EDIL3: variants seen among roughly 807,000 people sequenced by gnomAD.
EDIL3 encodes EGF-like repeat and discoidin I-like domain-containing protein 3.
A neutral mutation model predicts 67.4 loss-of-function variants in EDIL3; 37 were observed. The ratio of observed to expected loss-of-function variants is 0.55; its 90% confidence interval spans 0.42 to 0.72. The LOEUF (loss-of-function observed/expected upper bound fraction) is 0.72. Among genes scored for constraint, EDIL3 ranks in the 30% least tolerant of loss-of-function variants. The probability of loss-of-function intolerance (pLI) is 0.00; values close to 1 mark genes in which losing one functional copy is unlikely to be tolerated. For synonymous variants in EDIL3, 195 were observed against 196.3 expected, an observed-to-expected ratio of 0.99 and a Z score of 0.05; for missense variants, 527 against 586.3, an observed-to-expected ratio of 0.90 and a Z score of 1.04.
At chr5:84,151,976 C>T (rs1341221896) in intron 4 of EDIL3, among the ~76,000 whole-genome samples, 1 of 151,044 alleles carries the variant, frequency 6.6e-6, no homozygotes, top group Non-Finnish European at 1.5e-5. Flanking sequence ...AGCAGTGGCA[C>T]GATCTAGGCT....
At chr5:84,096,907 GT>G (rs1747274678) in intron 6 of EDIL3, among the ~76,000 whole-genome samples, 1 of 152,132 alleles carries the variant, frequency 6.6e-6, no homozygotes, top group Non-Finnish European at 1.5e-5. Context: ...AGATCTGATA[GT>G]TTTAAAAACG....
intron 1 of EDIL3, among the ~76,000 whole-genome samples, chr5:84,303,201 G>A (rs2607364): frequency 0.26 from 40,027 of 151,996 alleles, 6,024 homozygotes; most frequent in Non-Finnish European, 0.35. Flanking sequence ...CCTCCACTCC[G>A]ACTTCTCTTT....
intron 1 of EDIL3, among the ~76,000 whole-genome samples, chr5:84,352,765 T>G (rs1747386461): frequency 1.3e-5 from 2 of 152,026 alleles, no homozygotes; most frequent in Non-Finnish European, 2.9e-5. Context: ...ATAACACAAC[T>G]GCACTTATAG....
At chr5:83,970,890 T>C (rs530514006) in intron 9 of EDIL3, among the ~76,000 whole-genome samples, 2 of 151,568 alleles carry the variant, frequency 1.3e-5, no homozygotes, top group Admixed American at 6.6e-5. Flanking sequence ...AGCTGCAGAC[T>C]GTTTTCTAGG....
intron 1 of EDIL3, among the ~76,000 whole-genome samples, chr5:84,297,513 A>C (rs928609165): frequency 2.1e-4 from 32 of 152,282 alleles, no homozygotes; most frequent in African/African-American, 7.5e-4. Context: ...CTTGGGGTGA[A>C]CAGACCCAAC....
intron 10 of EDIL3, among the ~76,000 whole-genome samples, chr5:83,957,011 T>A (rs1580251743): frequency 1.3e-5 from 2 of 151,878 alleles, no homozygotes; most frequent in Non-Finnish European, 2.9e-5. Context: ...AGTGACTACA[T>A]GAATTTCTAT....
chr5:84,189,955 T>C (rs1743543444), intron 3 of EDIL3, among the ~76,000 whole-genome samples: 1 of 152,044 alleles, frequency 6.6e-6, no homozygotes. Context: ...AAAGCTAGTA[T>C]ACAGAAGCCT....
chr5:84,251,363 G>A (rs538896793), intron 2 of EDIL3, among the ~76,000 whole-genome samples: 16 of 151,352 alleles, frequency 1.1e-4, no homozygotes, highest in Admixed American at 7.9e-4. Flanking sequence ...CGCCCACCTC[G>A]GCCTTCCAAA....
intron 7 of EDIL3, 87 bp downstream of exon 7, chr5:84,066,364 G>C (rs912538980): frequency 1.4e-6 from 2 of 1,388,566 alleles, no homozygotes; most frequent in African/African-American, 3.0e-5. Flanking sequence ...ATCAACATAA[G>C]TCTTCTCCTG....
intron 5 of EDIL3, among the ~76,000 whole-genome samples, chr5:84,111,852 T>A (rs1747570549): frequency 6.6e-6 from 1 of 152,116 alleles, no homozygotes; most frequent in Non-Finnish European, 1.5e-5. Flanking sequence ...TTATATAATA[T>A]GGCAGATATT....
intron 4 of EDIL3, among the ~76,000 whole-genome samples, chr5:84,148,043 G>GATAT (rs1748319436): frequency 6.6e-6 from 1 of 152,002 alleles, no homozygotes; most frequent in African/African-American, 2.4e-5. Flanking sequence ...TACTTCTAAA[G>GATAT]CTATTGTAAG....
chr5:83,974,583 A>C (rs1744848371), intron 9 of EDIL3, among the ~76,000 whole-genome samples: 1 of 152,036 alleles, frequency 6.6e-6, no homozygotes, highest in African/African-American at 2.4e-5. Context: ...CACTGTGAGC[A>C]TTATATTTGT....
At chr5:83,946,519 T>C (rs1482979507) in intron 10 of EDIL3, among the ~76,000 whole-genome samples, 2 of 151,968 alleles carry the variant, frequency 1.3e-5, no homozygotes, top group East Asian at 3.9e-4. Flanking sequence ...TCTCTTGTGA[T>C]GCTGGTTGAA....
intron 4 of EDIL3, among the ~76,000 whole-genome samples, chr5:84,148,953 TA>T (rs1216330304): frequency 3.5e-4 from 34 of 96,614 alleles, no homozygotes; most frequent in African/African-American, 1.4e-3. Context: ...CCTCTTGTTT[TA>T]AAAAACAACA....
At chr5:84,247,120 AT>A in intron 2 of EDIL3, among the ~76,000 whole-genome samples, 1 of 152,266 alleles carries the variant, frequency 6.6e-6, no homozygotes, top group East Asian at 1.9e-4. Flanking sequence ...TAGAGAAAGT[AT>A]TTTAGTCCGT....
intron 5 of EDIL3, among the ~76,000 whole-genome samples, chr5:84,135,637 T>C (rs189836913): frequency 5.9e-5 from 9 of 152,274 alleles, no homozygotes; most frequent in Admixed American, 3.3e-4. Flanking sequence ...TTGAGTTAAC[T>C]TAGTGGGTGA....
intron 1 of EDIL3, among the ~76,000 whole-genome samples, chr5:84,286,626 G>A (rs1017248267): frequency 6.6e-6 from 1 of 152,086 alleles, no homozygotes; most frequent in African/African-American, 2.4e-5. Flanking sequence ...TTTATATAAG[G>A]GAGCCATGAT....
chr5:83,975,189 T>C (rs1744858578), intron 9 of EDIL3, among the ~76,000 whole-genome samples: 2 of 152,046 alleles, frequency 1.3e-5, no homozygotes, highest in South Asian at 4.1e-4. Flanking sequence ...GCTTAGACTT[T>C]ACTTCTTTTG....
chr5:84,178,494 A>G lies in EDIL3; in HGVS notation c.355+1899T>C, dbSNP rs75455445. ...ACTTCTATAGCTGCTTTCTCAATAT[A>G]TCACCCTTTTCAATTTCATCTATAA... On this transcript the variant is annotated intron_variant, in intron 4 of 10. Transcript: ENST00000296591. Among the ~76,000 whole-genome samples the G allele has an allele frequency of 3.3e-3, 495 of 152,252 alleles. 11 individuals are homozygous for G. The highest frequency in any genetic ancestry group is 0.013 in the East Asian group (68 of 5,186).
Sources: gnomAD v4.1 joint callset for allele counts (sites outside exome capture counted in the v4.1 genomes callset) on GRCh38, gnomAD v4.1.1 for gene constraint, MANE v1.5 for transcripts, NCBI Gene and HGNC (gene_info 2026-07-23, HGNC 2026-07-21) for gene names.